Variants in SLC25A21 observed in about 807,000 individuals in gnomAD.
SLC25A21 encodes the protein solute carrier family 25 member 21.
SLC25A21 carries 47 observed loss-of-function variants against 43.8 expected under a neutral mutation model. The ratio of observed to expected loss-of-function variants is 1.07; its 90% CI spans 0.85 to 1.37. The LOEUF (loss-of-function observed/expected upper bound fraction) is 1.37. Among genes scored for constraint, SLC25A21 ranks in the 40% most tolerant of loss-of-function variants. The pLI is 0.00. For missense variants in SLC25A21, 352 were observed against 350.2 expected (o/e 1.00, Z -0.04); for synonymous variants, 131 against 121.3 (o/e 1.08, Z -0.52).
chr14:36,752,444 C>T (rs888666879), intron 3 of SLC25A21, among the ~76,000 whole-genome samples: 1 of 152,164 alleles, frequency 6.6e-6, no homozygotes, highest in African/African-American at 2.4e-5. Context: ...AATATTTGTA[C>T]ACCCATGCTC....
chr14:37,072,463 G>A (rs117889778), intron 1 of SLC25A21, among the ~76,000 whole-genome samples: 4,496 of 152,136 alleles, frequency 0.03, 102 homozygotes, highest in South Asian at 0.078. Context: ...AAACCAAAGA[G>A]AGTCCTAAGA....
At position 36,842,125 on chromosome 14, in the gene SLC25A21, C is replaced by T. The variant is rs542071567; in HGVS notation, c.120-28124G>A. Among the ~76,000 whole-genome samples, 20 of 152,254 alleles carry T rather than the reference C, an allele frequency of 1.3e-4. No individual in the cohort carries two copies. In the South Asian group the frequency reaches 3.9e-3, roughly 30 times the overall value. On this transcript the variant is annotated intron_variant, in intron 2 of 9. Coordinates refer to ENST00000331299, the MANE Select transcript of SLC25A21 (RefSeq NM_030631.4). ...TGTGTCCTATTTGTTTATGTATTCCCCCAGCCCAGCATCTGTACACAATAG... is the reference window on the plus strand; with the variant it reads ...TGTGTCCTATTTGTTTATGTATTCCTCCAGCCCAGCATCTGTACACAATAG...
chr14:36,678,820 A>C lies in SLC25A21; in HGVS notation c.*1838T>G. On this transcript the variant is annotated 3_prime_UTR_variant, in exon 10 of 10. Coordinates refer to ENST00000331299, the MANE Select transcript of SLC25A21 (RefSeq NM_030631.4). ...GTTTCCTTTTCTCCCTCTAGGTCTT[A>C]ACAGTGAATTCACATGGAGTAATTT... The C allele has an allele frequency of 1.0e-6, 1 of 998,020 alleles. No homozygotes were observed. The highest frequency in any genetic ancestry group is 7.9e-5 in the East Asian group (1 of 12,590). The allele number at this position is 998,020 out of a possible 1,614,324, so 61.8% of individuals were successfully genotyped here. A position where few individuals can be genotyped will look rare whatever the true frequency, so the allele number is the denominator to read the frequency against.
intron 2 of SLC25A21, among the ~76,000 whole-genome samples, chr14:36,831,055 T>A (rs767932817): frequency 2.0e-5 from 3 of 152,320 alleles, no homozygotes; most frequent in Non-Finnish European, 4.4e-5. Context: ...TTATCATGTT[T>A]TTCCTAAACA....
chr14:37,091,790 C>T (rs949039951), intron 1 of SLC25A21, among the ~76,000 whole-genome samples: 1 of 152,252 alleles, frequency 6.6e-6, no homozygotes, highest in Non-Finnish European at 1.5e-5. Flanking sequence ...CATATTTTCT[C>T]CTCTCTGATT....
chr14:37,037,766 G>A (rs1009698169), intron 1 of SLC25A21, among the ~76,000 whole-genome samples: 4 of 151,932 alleles, frequency 2.6e-5, no homozygotes, highest in African/African-American at 4.8e-5. Context: ...AGAAGTCTTC[G>A]CAGATCATTG....
chr14:37,166,655 T>C (rs1964034945), intron 1 of SLC25A21, among the ~76,000 whole-genome samples: 1 of 152,246 alleles, frequency 6.6e-6, no homozygotes, highest in African/African-American at 2.4e-5. Flanking sequence ...GCATCATTCA[T>C]ATGCTAATGA....
intron 5 of SLC25A21, among the ~76,000 whole-genome samples, chr14:36,727,548 C>T (rs1884651003): frequency 6.6e-6 from 1 of 152,076 alleles, no homozygotes. Context: ...ATTAGTTGGG[C>T]TTGGTGGTGC....
chr14:36,999,990 C>T (rs1271885899), intron 1 of SLC25A21, among the ~76,000 whole-genome samples: 2 of 152,144 alleles, frequency 1.3e-5, no homozygotes, highest in African/African-American at 4.8e-5. Flanking sequence ...ATAGCAGATA[C>T]ACCAATAGTG....
At chr14:36,915,423 A>G (rs1444678872) in intron 1 of SLC25A21, among the ~76,000 whole-genome samples, 3 of 152,202 alleles carry the variant, frequency 2.0e-5, no homozygotes, top group Non-Finnish European at 4.4e-5. Flanking sequence ...CAGGGATGCT[A>G]GAAACAATTC....
intron 1 of SLC25A21, among the ~76,000 whole-genome samples, chr14:36,973,371 A>C (rs2138689306): frequency 6.6e-6 from 1 of 152,300 alleles, no homozygotes; most frequent in South Asian, 2.1e-4. Context: ...GGCACGTGAG[A>C]AACATAGCGG....
chr14:36,688,239 C>A (rs1882637182), intron 7 of SLC25A21, among the ~76,000 whole-genome samples: 1 of 152,162 alleles, frequency 6.6e-6, no homozygotes, highest in Non-Finnish European at 1.5e-5. Flanking sequence ...TTTTACAGAT[C>A]CCCTCTCAAA....
intron 2 of SLC25A21, among the ~76,000 whole-genome samples, chr14:36,834,831 A>G (rs1429347236): frequency 1.3e-5 from 2 of 151,686 alleles, no homozygotes; most frequent in South Asian, 4.2e-4. Context: ...AAGTGACATT[A>G]AAAAAAAATC....
chr14:36,760,903 G>A (rs907105462), intron 3 of SLC25A21, among the ~76,000 whole-genome samples: 1 of 151,840 alleles, frequency 6.6e-6, no homozygotes, highest in African/African-American at 2.4e-5. Context: ...AAAGGAGAGA[G>A]GAAGAAAGGA....
intron 1 of SLC25A21, among the ~76,000 whole-genome samples, chr14:37,030,720 A>G (rs572030898): frequency 1.3e-5 from 2 of 152,306 alleles, no homozygotes; most frequent in South Asian, 4.1e-4. Context: ...GAAAGAACAC[A>G]CTATAAAAAC....
intron 1 of SLC25A21, among the ~76,000 whole-genome samples, chr14:36,935,443 C>T (rs905606329): frequency 6.6e-5 from 10 of 152,168 alleles, no homozygotes; most frequent in Non-Finnish European, 1.5e-4. Flanking sequence ...AGTCTGCACA[C>T]TGTGGTTCTC....
At chr14:36,829,994 T>G (rs1479156169) in intron 2 of SLC25A21, among the ~76,000 whole-genome samples, 2 of 152,102 alleles carry the variant, frequency 1.3e-5, no homozygotes, top group Non-Finnish European at 2.9e-5. Flanking sequence ...TCTACACGAC[T>G]GTGTATTGTG....
intron 7 of SLC25A21, among the ~76,000 whole-genome samples, chr14:36,699,025 T>C (rs1476551998): frequency 6.6e-6 from 1 of 152,144 alleles, no homozygotes; most frequent in Non-Finnish European, 1.5e-5. Context: ...ATTTTCTGCT[T>C]TTCTGATCTG....
intron 2 of SLC25A21, among the ~76,000 whole-genome samples, chr14:36,821,368 A>T (rs866259265): frequency 1.3e-5 from 2 of 150,578 alleles, no homozygotes; most frequent in Non-Finnish European, 3.0e-5. Flanking sequence ...TTTAGCAAGT[A>T]CTGGGCAGGG....
Sources: gnomAD v4.1 joint callset for allele counts (sites outside exome capture counted in the v4.1 genomes callset) on GRCh38, gnomAD v4.1.1 for gene constraint, MANE v1.5 for transcripts, NCBI Gene and HGNC (gene_info 2026-07-23, HGNC 2026-07-21) for gene names.